SAMMSON: variants seen among roughly 807,000 people sequenced by gnomAD.
The protein encoded by SAMMSON is survival associated mitochondrial melanoma specific oncogenic non-coding RNA.
intron 3 of SAMMSON, among the ~76,000 whole-genome samples, chr3:70,017,038 T>G (rs1186494111): frequency 6.6e-6 from 1 of 152,160 alleles, no homozygotes; most frequent in African/African-American, 2.4e-5. Flanking sequence ...CCAGCTTTGT[T>G]CTTTTGGCTT....
intron 7 of SAMMSON, among the ~76,000 whole-genome samples, chr3:70,303,261 A>G (rs1404412201): frequency 1.3e-5 from 2 of 152,114 alleles, no homozygotes; most frequent in Non-Finnish European, 2.9e-5. Flanking sequence ...ATTCCCTCTG[A>G]AGAAGCATCT....
intron 7 of SAMMSON, among the ~76,000 whole-genome samples, chr3:70,310,749 G>T (rs1702446960): frequency 6.6e-6 from 1 of 152,136 alleles, no homozygotes; most frequent in African/African-American, 2.4e-5. Context: ...AGTTGGAGGT[G>T]TTGATTTCAA....
chr3:70,124,002 C>T (rs1243318811), intron 4 of SAMMSON, among the ~76,000 whole-genome samples: 2 of 152,186 alleles, frequency 1.3e-5, no homozygotes, highest in African/African-American at 2.4e-5. Flanking sequence ...ACAGATTGGG[C>T]GGATGCCCGG....
intron 9 of SAMMSON, among the ~76,000 whole-genome samples, chr3:70,380,465 C>A (rs1703055847): frequency 6.6e-6 from 1 of 152,106 alleles, no homozygotes; most frequent in Non-Finnish European, 1.5e-5. Context: ...GCCCCAGAAA[C>A]AATGACAAAA....
At chr3:70,201,349 C>T (rs1033244740) in intron 4 of SAMMSON, among the ~76,000 whole-genome samples, 2 of 152,180 alleles carry the variant, frequency 1.3e-5, no homozygotes, top group Non-Finnish European at 2.9e-5. Context: ...CATCCAGCTC[C>T]ATCCAAGTTC....
intron 9 of SAMMSON, among the ~76,000 whole-genome samples, chr3:70,383,013 T>G (rs1307604098): frequency 6.6e-6 from 1 of 152,126 alleles, no homozygotes; most frequent in Non-Finnish European, 1.5e-5. Context: ...TCTTCCTGTC[T>G]TTTCTTATTC....
At chr3:70,053,777 A>G (rs1479710878) in intron 3 of SAMMSON, among the ~76,000 whole-genome samples, 1 of 152,104 alleles carries the variant, frequency 6.6e-6, no homozygotes, top group African/African-American at 2.4e-5. Flanking sequence ...AACTATTAAC[A>G]CTGCTGGGAA....
chr3:70,373,510 T>C (rs1290012110), intron 9 of SAMMSON, among the ~76,000 whole-genome samples: 1 of 152,190 alleles, frequency 6.6e-6, no homozygotes, highest in Non-Finnish European at 1.5e-5. Flanking sequence ...TGTTTATGTC[T>C]TGTGCTACAT....
intron 3 of SAMMSON, among the ~76,000 whole-genome samples, chr3:70,055,564 C>A (rs1186238761): frequency 1.3e-5 from 2 of 152,094 alleles, no homozygotes; most frequent in Admixed American, 6.6e-5. Context: ...AGCTTTCATC[C>A]TTCCGGAAGA....
intron 4 of SAMMSON, among the ~76,000 whole-genome samples, chr3:70,108,730 G>A (rs1249148266): frequency 6.6e-6 from 1 of 151,936 alleles, no homozygotes; most frequent in East Asian, 2.0e-4. Flanking sequence ...ACACAAAGAA[G>A]TCCTGTGAGC....
chr3:70,218,071 A>C (rs1228016940), intron 4 of SAMMSON, among the ~76,000 whole-genome samples: 1 of 152,250 alleles, frequency 6.6e-6, no homozygotes. Flanking sequence ...TGTGTGCCCA[A>C]TGAACTATGG....
At chr3:70,096,041 G>A (rs1271308324) in intron 4 of SAMMSON, 3 of 152,196 alleles carry the variant, frequency 2.0e-5, no homozygotes, top group Non-Finnish European at 4.4e-5. Flanking sequence ...CAACGTTCAA[G>A]GTATTGGGCA....
chr3:70,378,744 C>T (rs1703040738), intron 9 of SAMMSON, among the ~76,000 whole-genome samples: 1 of 152,008 alleles, frequency 6.6e-6, no homozygotes, highest in African/African-American at 2.4e-5. Context: ...CCCCAAAACA[C>T]ATTGGTACAA....
chr3:70,413,191 A>G (rs943852289), intron 2 of SAMMSON, among the ~76,000 whole-genome samples: 1 of 152,110 alleles, frequency 6.6e-6, no homozygotes, highest in Non-Finnish European at 1.5e-5. Flanking sequence ...TTTAGGTACT[A>G]TAATTTGAGA....
chr3:70,350,796 A>G (rs114941096), intron 7 of SAMMSON, among the ~76,000 whole-genome samples: 1,680 of 152,280 alleles, frequency 0.011, 13 homozygotes, highest in Middle Eastern at 0.034. Flanking sequence ...AATCAGAAAT[A>G]CCATACTGTG....
intron 4 of SAMMSON, among the ~76,000 whole-genome samples, chr3:70,227,737 C>T (rs933616439): frequency 8.5e-5 from 13 of 152,122 alleles, no homozygotes; most frequent in Non-Finnish European, 1.8e-4. Context: ...TGATAATTCT[C>T]CCAATAACTC....
intron 4 of SAMMSON, among the ~76,000 whole-genome samples, chr3:70,129,019 A>AAGATTTATAT (rs2067469927): frequency 6.6e-6 from 1 of 152,208 alleles, no homozygotes; most frequent in Non-Finnish European, 1.5e-5. Context: ...AATGCATATA[A>AAGATTTATAT]ATCTTTAACA....
chr3:70,319,883 T>G (rs1702524457), intron 7 of SAMMSON, among the ~76,000 whole-genome samples: 1 of 151,982 alleles, frequency 6.6e-6, no homozygotes, highest in Admixed American at 6.6e-5. Context: ...CTGGAAAAAA[T>G]TGGGACACTA....
chr3:70,234,971 C>T (rs569834751), intron 4 of SAMMSON, among the ~76,000 whole-genome samples: 2 of 152,208 alleles, frequency 1.3e-5, no homozygotes, highest in Admixed American at 1.3e-4. Flanking sequence ...CTGGGCATCA[C>T]GATTTTTAGC....
Sources: allele counts gnomAD v4.1 joint callset (sites outside exome capture counted in the v4.1 genomes callset), GRCh38; gene constraint gnomAD v4.1.1; transcripts MANE v1.5; gene names NCBI Gene and HGNC (gene_info 2026-07-23, HGNC 2026-07-21).